CCDC148: variants seen among roughly 807,000 people sequenced by gnomAD.
CCDC148 encodes coiled-coil domain containing 148, also known as coiled-coil domain-containing protein 148.
A neutral mutation model predicts 85.7 loss-of-function variants in CCDC148; 89 were observed. The ratio of observed to expected loss-of-function variants is 1.04; its 90% CI spans 0.87 to 1.24. CCDC148 has a LOEUF of 1.24. Ranked by LOEUF, CCDC148 falls within the 50% of genes most tolerant of loss-of-function variation. CCDC148 has a pLI of 0.00. For synonymous variants in CCDC148, 230 were observed against 213.9 expected (o/e 1.08, Z -0.66); for missense variants, 692 against 671.7 (o/e 1.03, Z -0.33).
At chr2:158,374,397 T>C (rs1684571507) in intron 1 of CCDC148, among the ~76,000 whole-genome samples, 1 of 152,020 alleles carries the variant, frequency 6.6e-6, no homozygotes, top group Non-Finnish European at 1.5e-5. Context: ...ACACAAATAA[T>C]GTAGTTTTAC....
chr2:158,238,701 A>G (rs1377957849), intron 10 of CCDC148, among the ~76,000 whole-genome samples: 1 of 152,284 alleles, frequency 6.6e-6, no homozygotes, highest in East Asian at 1.9e-4. Context: ...TTTAGAACAC[A>G]AAAGAAATTC....
intron 7 of CCDC148, among the ~76,000 whole-genome samples, chr2:158,317,548 A>G (rs576390245): frequency 2.2e-4 from 33 of 152,272 alleles, no homozygotes; most frequent in African/African-American, 7.2e-4. Context: ...ACCCAAGCCA[A>G]TTGTCTCCCT....
intron 1 of CCDC148, chr2:158,380,703 G>C (rs550230880): frequency 5.3e-5 from 8 of 152,248 alleles, no homozygotes; most frequent in Admixed American, 2.6e-4. Flanking sequence ...AGGATTTATA[G>C]TACCATATAC....
chr2:158,189,775 T>C (rs1685332275), intron 11 of CCDC148, among the ~76,000 whole-genome samples: 1 of 152,014 alleles, frequency 6.6e-6, no homozygotes, highest in Non-Finnish European at 1.5e-5. Context: ...CTTTGTATTA[T>C]AGTTTCTGTT....
At chr2:158,295,777 G>A (rs1289251279) in intron 9 of CCDC148, among the ~76,000 whole-genome samples, 1 of 150,316 alleles carries the variant, frequency 6.7e-6, no homozygotes, top group African/African-American at 2.5e-5. Flanking sequence ...CATACTGAAT[G>A]GGCAAAAACT....
intron 1 of CCDC148, among the ~76,000 whole-genome samples, chr2:158,422,696 C>T (rs1263107137): frequency 1.3e-5 from 2 of 152,212 alleles, no homozygotes; most frequent in Non-Finnish European, 2.9e-5. Context: ...CCCTCTCTCA[C>T]CACTCCTCTT....
intron 13 of CCDC148, among the ~76,000 whole-genome samples, chr2:158,175,549 C>A (rs1355341921): frequency 6.6e-6 from 1 of 152,038 alleles, no homozygotes; most frequent in Non-Finnish European, 1.5e-5. Context: ...GCTACACATG[C>A]TACTTTCCTT....
chr2:158,339,350 TA>T (rs1222349557), intron 5 of CCDC148, among the ~76,000 whole-genome samples: 1 of 152,298 alleles, frequency 6.6e-6, no homozygotes, highest in East Asian at 1.9e-4. Context: ...TTCTCTGTGG[TA>T]ATGCAGAGAA....
At chr2:158,319,710 A>T (rs897316260) in intron 7 of CCDC148, among the ~76,000 whole-genome samples, 1 of 152,228 alleles carries the variant, frequency 6.6e-6, no homozygotes, top group African/African-American at 2.4e-5. Flanking sequence ...GAGAAACATG[A>T]CTTTTTAAAC....
At chr2:158,230,834 T>G (rs375271404) in intron 10 of CCDC148, among the ~76,000 whole-genome samples, 4 of 152,088 alleles carry the variant, frequency 2.6e-5, no homozygotes, top group African/African-American at 9.7e-5. Context: ...AGAGGGCTCA[T>G]TGAAAGATTC....
chr2:158,383,788 A>T (rs113181081), intron 1 of CCDC148, among the ~76,000 whole-genome samples: 4,079 of 152,248 alleles, frequency 0.027, 73 homozygotes, highest in Middle Eastern at 0.092. Context: ...AACTCTCAGC[A>T]ACAAGAGATT....
chr2:158,309,738 T>C (rs1053376400), intron 8 of CCDC148, 99 bp from the exon 9 acceptor site: 53 of 900,538 alleles, frequency 5.9e-5, no homozygotes, highest in Non-Finnish European at 8.3e-5. Flanking sequence ...TTATAACCAA[T>C]GATTTTGAAA....
chr2:158,294,441 C>T (rs530878701), intron 9 of CCDC148, among the ~76,000 whole-genome samples: 1 of 152,140 alleles, frequency 6.6e-6, no homozygotes, highest in South Asian at 2.1e-4. Context: ...TGAATAAACA[C>T]CCATGAGTAG....
At chr2:158,423,734 A>G (rs963203670) in intron 1 of CCDC148, among the ~76,000 whole-genome samples, 4 of 152,260 alleles carry the variant, frequency 2.6e-5, no homozygotes, top group African/African-American at 9.6e-5. Flanking sequence ...ATTAAACTAA[A>G]GAGCTTCTGC....
intron 1 of CCDC148, among the ~76,000 whole-genome samples, chr2:158,402,819 C>T (rs984583874): frequency 2.6e-5 from 4 of 151,936 alleles, no homozygotes; most frequent in Non-Finnish European, 5.9e-5. Flanking sequence ...GCTTTCAGGG[C>T]TGATTAGAAA....
chr2:158,451,794 A>T lies in CCDC148; in HGVS notation c.25+4621T>A, dbSNP rs757427204. ...ATTCATTTTCTACTATTTACTTATT[A>T]AAAAAAACTTTAGGCTGTTACTCTT... On this transcript the variant is annotated intron_variant, in intron 1 of 13. Coordinates refer to ENST00000283233, the MANE Select transcript of CCDC148 (RefSeq NM_138803.4). 2.0e-4 allele frequency among the ~76,000 whole-genome samples: 30 copies of T among 151,826 alleles called. 1 individual carries two copies. The highest frequency in any genetic ancestry group is 2.6e-4 in the Admixed American group (4 of 15,222).
rs1682538865 is a variant in CCDC148, at chr2:158,339,053, GAC to G, written c.517_518del (p.Val173LeufsTer2). On this transcript the variant is annotated frameshift_variant, in exon 6 of 14. Coordinates refer to ENST00000283233, the MANE Select transcript of CCDC148 (RefSeq NM_138803.4). LOFTEE classifies it high-confidence loss of function. Reference sequence around the variant, plus strand: ...GTTGCTCCAGCCTAAGTCTTTCAAAGACAGTTTTCAATTGTTTCTTCACAAAG... The same window carrying G: ...GTTGCTCCAGCCTAAGTCTTTCAAAGAGTTTTCAATTGTTTCTTCACAAAG... ...VDFVKKQLKT[V>X]FERLRLEQQR... is the part of the protein sequence containing the mutation. 1 of 1,613,780 alleles carries G rather than the reference GAC, an allele frequency of 6.2e-7. No individual in the cohort carries two copies. Among genetic ancestry groups the G allele is most frequent in the Non-Finnish European group, 8.5e-7 (1 of 1,179,816 alleles).
At chr2:158,266,899 T>TATATACACACAC (rs756691948) in intron 9 of CCDC148, among the ~76,000 whole-genome samples, 6,464 of 128,148 alleles carry the variant, frequency 0.05, 202 homozygotes, top group Non-Finnish European at 0.074. Context: ...TATTTACATA[T>TATATACACACAC]ATATATACAC....
intron 11 of CCDC148, among the ~76,000 whole-genome samples, chr2:158,215,735 T>C (rs1041591569): frequency 2.6e-5 from 4 of 152,138 alleles, no homozygotes; most frequent in Admixed American, 2.6e-4. Context: ...CATAAATGCT[T>C]TTTTTACACA....
Sources: gnomAD v4.1 joint callset for allele counts (sites outside exome capture counted in the v4.1 genomes callset) on GRCh38, gnomAD v4.1.1 for gene constraint, MANE v1.5 for transcripts, NCBI Gene and HGNC (gene_info 2026-07-23, HGNC 2026-07-21) for gene names.